MED13: variants seen among roughly 807,000 people sequenced by gnomAD.
MED13 encodes mediator complex subunit 13, also known as mediator of RNA polymerase II transcription subunit 13.
Under a neutral mutation model 225.2 loss-of-function variants are expected in MED13, and 23 were observed. The ratio of observed to expected loss-of-function variants is 0.10; its 90% CI spans 0.07 to 0.14. The LOEUF (loss-of-function observed/expected upper bound fraction) is 0.14. MED13 is among the 10% of genes least tolerant of loss of function. The pLI is 1.00. For missense variants in MED13, 2,197 were observed against 2,594.5 expected (o/e 0.85, Z 3.33); for synonymous variants, 942 against 889.2 (o/e 1.06, Z -1.06).
intron 10 of MED13, 86 bp from the exon 11 acceptor site, chr17:61,992,707 C>T: frequency 1.1e-6 from 1 of 877,824 alleles, no homozygotes; most frequent in African/African-American, 1.7e-5. Flanking sequence ...GTGTGTCAGG[C>T]ATCCAGCTAA....
chr17:61,988,835 T>TAA (rs1290391469), intron 11 of MED13, among the ~76,000 whole-genome samples: 2 of 152,082 alleles, frequency 1.3e-5, no homozygotes, highest in Non-Finnish European at 2.9e-5. Flanking sequence ...TGGGAACACT[T>TAA]AAAATCTACT....
In MED13 at chr17:61,945,546, T is replaced by C. The variant is rs2079845928; in HGVS notation, c.*922A>G. The C allele has an allele frequency of 6.6e-6, 1 of 152,670 alleles. No homozygotes were observed. The highest frequency in any genetic ancestry group is 2.1e-4 in the South Asian group (1 of 4,836). The allele number at this position is 152,670 out of a possible 1,614,324, so 9.5% of individuals were successfully genotyped here. A position where few individuals can be genotyped will look rare whatever the true frequency, so the allele number is the denominator to read the frequency against. The stretch of plus-strand genomic sequence containing the variant: ...CGGAAATGGCCTGAAATATTAGTCA[T>C]AGCCCTAAACCATAGTACAAAATAT... On this transcript the variant is annotated 3_prime_UTR_variant, in exon 30 of 30. Transcript: ENST00000397786.
At chr17:62,013,343 C>A (rs1198778948) in intron 8 of MED13, among the ~76,000 whole-genome samples, 1 of 151,838 alleles carries the variant, frequency 6.6e-6, no homozygotes, top group Non-Finnish European at 1.5e-5. Flanking sequence ...CACATCATGA[C>A]CAAATGAAGT....
chr17:62,040,173 G>C (rs1198094699), intron 3 of MED13, among the ~76,000 whole-genome samples: 1 of 151,872 alleles, frequency 6.6e-6, no homozygotes, highest in African/African-American at 2.4e-5. Context: ...TTTTTCCAAG[G>C]AGAAATGTTA....
At chr17:62,055,959 A>C (rs1409523419) in intron 2 of MED13, among the ~76,000 whole-genome samples, 1 of 152,180 alleles carries the variant, frequency 6.6e-6, no homozygotes, top group Non-Finnish European at 1.5e-5. Context: ...ATTAACACTA[A>C]ATAGGAGCTA....
chr17:61,950,389 T>G (rs924829528), intron 28 of MED13, among the ~76,000 whole-genome samples: 1 of 151,902 alleles, frequency 6.6e-6, no homozygotes, highest in East Asian at 1.9e-4. Flanking sequence ...CTAGTTGTTT[T>G]TTTTTTTTTT....
chr17:62,054,954 G>C (rs1280705187), intron 2 of MED13, among the ~76,000 whole-genome samples: 1 of 152,192 alleles, frequency 6.6e-6, no homozygotes, highest in Non-Finnish European at 1.5e-5. Context: ...CCATTTGTAA[G>C]TATCAAGGTT....
chr17:62,004,008 G>A (rs1451487648), intron 9 of MED13: 1 of 152,176 alleles, frequency 6.6e-6, no homozygotes, highest in Non-Finnish European at 1.5e-5. Flanking sequence ...GTTATGGCTA[G>A]AATTAACAGC....
At chr17:62,002,380 T>C (rs1282056569) in intron 9 of MED13, among the ~76,000 whole-genome samples, 1 of 150,556 alleles carries the variant, frequency 6.6e-6, no homozygotes, top group Non-Finnish European at 1.5e-5. Context: ...TCCCAGCTAC[T>C]CGGGAGGCCA....
intron 18 of MED13, 95 bp downstream of exon 18, chr17:61,967,940 T>C: frequency 1.1e-6 from 1 of 890,718 alleles, no homozygotes; most frequent in South Asian, 1.6e-5. Flanking sequence ...ACATCATCAC[T>C]GTGTCCCAAT....
At chr17:62,002,351 T>C (rs2080403090) in intron 9 of MED13, among the ~76,000 whole-genome samples, 1 of 151,954 alleles carries the variant, frequency 6.6e-6, no homozygotes, top group Non-Finnish European at 1.5e-5. Flanking sequence ...TTGCCAGGTG[T>C]GGTGGCACAC....
At chr17:62,021,218 G>A (rs1411519882) in intron 8 of MED13, among the ~76,000 whole-genome samples, 11 of 150,668 alleles carry the variant, frequency 7.3e-5, no homozygotes, top group African/African-American at 1.9e-4. Flanking sequence ...CCTCCCAGAC[G>A]GGGTGGTGGC....
intron 16 of MED13, among the ~76,000 whole-genome samples, chr17:61,980,631 G>A (rs1289146454): frequency 6.6e-6 from 1 of 152,020 alleles, no homozygotes; most frequent in Non-Finnish European, 1.5e-5. Flanking sequence ...CATCTCGCTG[G>A]CCTCTTATCT....
At position 62,034,022 on chromosome 17, in the gene MED13, G is replaced by T. The variant is rs367639586; in HGVS notation, c.617-38C>A. The stretch of plus-strand genomic sequence containing the variant: ...AGCAGACATCAAATAAGTAACAAAA[G>T]ACTGTTTTACCAAATAAGAACACAG... On this transcript the variant is annotated intron_variant, in intron 4 of 29. Transcript: ENST00000397786. 3.8e-6 allele frequency: 6 copies of T among 1,562,984 alleles called. No individual in the cohort carries two copies. The South Asian group carries it at 6.8e-5, about 18-fold the overall frequency.
chr17:62,044,818 T>C (rs939972357), intron 3 of MED13, among the ~76,000 whole-genome samples: 1 of 152,144 alleles, frequency 6.6e-6, no homozygotes, highest in African/African-American at 2.4e-5. Context: ...CATGCCACCA[T>C]ACCTGGCTCA....
chr17:62,023,715 T>G (rs995103795), intron 8 of MED13, among the ~76,000 whole-genome samples: 2 of 147,722 alleles, frequency 1.4e-5, no homozygotes, highest in Non-Finnish European at 3.0e-5. Flanking sequence ...GAGGCCGATT[T>G]AACAGAGTCA....
chr17:61,965,704 G>C (rs906323115), intron 19 of MED13, among the ~76,000 whole-genome samples: 1 of 152,098 alleles, frequency 6.6e-6, no homozygotes, highest in Non-Finnish European at 1.5e-5. Context: ...TTAAAGAAAT[G>C]ATTACTATGA....
chr17:62,030,490 G>A (rs1417758241), intron 6 of MED13: 1 of 152,606 alleles, frequency 6.6e-6, no homozygotes, highest in Non-Finnish European at 1.5e-5. Flanking sequence ...TCAAGGTGGG[G>A]TTTGGAGGCC....
chr17:62,036,643 A>C (rs765274012), intron 3 of MED13, among the ~76,000 whole-genome samples: 10 of 152,216 alleles, frequency 6.6e-5, no homozygotes, highest in Non-Finnish European at 1.3e-4. Context: ...ATTAAAATTA[A>C]ATTATAGTAA....
Sources: gnomAD v4.1 joint callset for allele counts (sites outside exome capture counted in the v4.1 genomes callset) on GRCh38, gnomAD v4.1.1 for gene constraint, MANE v1.5 for transcripts, NCBI Gene and HGNC (gene_info 2026-07-23, HGNC 2026-07-21) for gene names.